Variants in RPS6KC1 observed in about 807,000 individuals in gnomAD.
RPS6KC1 encodes inactive ribosomal protein S6 kinase delta-1.
A neutral mutation model predicts 103.8 loss-of-function variants in RPS6KC1; 54 were observed. That is an observed-to-expected ratio of 0.52 (90% CI 0.42 to 0.65). The LOEUF (loss-of-function observed/expected upper bound fraction) is 0.65, where lower values mean the gene tolerates loss of function less well. Ranked by LOEUF, RPS6KC1 falls within the 30% of genes least tolerant of loss-of-function variation. The pLI is 0.00. For missense variants in RPS6KC1, 1,151 were observed against 1,253.8 expected, an observed-to-expected ratio of 0.92 and a Z score of 1.24; for synonymous variants, 439 against 438.7, an observed-to-expected ratio of 1.00 and a Z score of -0.01.
the RPS6KC1 span, among the ~76,000 whole-genome samples, chr1:213,588,157 C>A: frequency 6.6e-6 from 1 of 152,212 alleles, no homozygotes; most frequent in African/African-American, 2.4e-5. Context: ...CTCACCACAG[C>A]CTCAACCTCC....
chr1:213,645,281 A>T, the RPS6KC1 span, among the ~76,000 whole-genome samples: 1 of 152,030 alleles, frequency 6.6e-6, no homozygotes, highest in Non-Finnish European at 1.5e-5. Flanking sequence ...TTGCCATACC[A>T]ATTCTATGCC....
the RPS6KC1 span, among the ~76,000 whole-genome samples, chr1:213,491,313 T>C: frequency 1.4e-4 from 22 of 152,164 alleles, 1 homozygote; most frequent in African/African-American, 5.3e-4. Flanking sequence ...TTTGGGAGGT[T>C]GAGGTGGGTG....
chr1:213,683,637 A>G, the RPS6KC1 span, among the ~76,000 whole-genome samples: 3 of 152,164 alleles, frequency 2.0e-5, no homozygotes, highest in Admixed American at 2.0e-4. Flanking sequence ...TTCCTTAATC[A>G]GGGCTGGTCA....
chr1:213,393,745 G>A, the RPS6KC1 span, among the ~76,000 whole-genome samples: 1 of 152,170 alleles, frequency 6.6e-6, no homozygotes, highest in African/African-American at 2.4e-5. Context: ...GTAGGAAATG[G>A]GGAATGAATG....
the RPS6KC1 span, among the ~76,000 whole-genome samples, chr1:213,725,060 ACTTTTTTGTCTTTTACTAAAG>A: frequency 6.6e-6 from 1 of 152,242 alleles, no homozygotes; most frequent in Non-Finnish European, 1.5e-5. Flanking sequence ...ACTTTCTAAC[ACTTTTTTGTCTTTTACTAAAG>A]CTGCCAGCTT....
At chr1:213,569,121 C>T in the RPS6KC1 span, among the ~76,000 whole-genome samples, 4 of 152,088 alleles carry the variant, frequency 2.6e-5, no homozygotes, top group African/African-American at 7.2e-5. Flanking sequence ...TTTCACTTCC[C>T]TTTGGCTGTG....
chr1:213,425,574 A>G, the RPS6KC1 span, among the ~76,000 whole-genome samples: 1 of 152,212 alleles, frequency 6.6e-6, no homozygotes, highest in Non-Finnish European at 1.5e-5. Flanking sequence ...CAATCAGACT[A>G]TTAGCTTCGT....
chr1:213,769,421 A>G, the RPS6KC1 span, among the ~76,000 whole-genome samples: 1 of 151,946 alleles, frequency 6.6e-6, no homozygotes, highest in Non-Finnish European at 1.5e-5. Context: ...GTCCTTTTGG[A>G]CCAGTTTAGA....
At chr1:213,267,540 A>G (rs2094940523) in intron 14 of RPS6KC1, among the ~76,000 whole-genome samples, 1 of 152,058 alleles carries the variant, frequency 6.6e-6, no homozygotes, top group African/African-American at 2.4e-5. Context: ...TATGTCCCAT[A>G]TTCAGAAAAA....
intron 8 of RPS6KC1, among the ~76,000 whole-genome samples, chr1:213,183,078 GAGA>G (rs2092361690): frequency 6.6e-6 from 1 of 151,762 alleles, no homozygotes; most frequent in African/African-American, 2.4e-5. Flanking sequence ...ATGAGAGACA[GAGA>G]GGACATTAGA....
At chr1:213,430,887 T>C in the RPS6KC1 span, among the ~76,000 whole-genome samples, 1 of 152,262 alleles carries the variant, frequency 6.6e-6, no homozygotes, top group African/African-American at 2.4e-5. Context: ...TAAGGGATAA[T>C]ATTTCAAGAG....
intron 1 of RPS6KC1, among the ~76,000 whole-genome samples, chr1:213,060,288 G>A (rs912243190): frequency 1.3e-5 from 2 of 152,176 alleles, no homozygotes; most frequent in African/African-American, 4.8e-5. Flanking sequence ...TAAGGCAGTG[G>A]GAGTTGTTAG....
At chr1:213,600,235 C>G in the RPS6KC1 span, among the ~76,000 whole-genome samples, 1 of 152,124 alleles carries the variant, frequency 6.6e-6, no homozygotes, top group African/African-American at 2.4e-5. Context: ...GTTACCCAGT[C>G]TCAGCTATGT....
At chr1:213,343,263 G>A in the RPS6KC1 span, among the ~76,000 whole-genome samples, 2 of 150,624 alleles carry the variant, frequency 1.3e-5, no homozygotes, top group South Asian at 4.2e-4. Flanking sequence ...TTAAGAGGTA[G>A]GGATGAGGAA....
chr1:213,514,536 A>T, the RPS6KC1 span, among the ~76,000 whole-genome samples: 1 of 152,046 alleles, frequency 6.6e-6, no homozygotes, highest in African/African-American at 2.4e-5. Flanking sequence ...AGCTTCATCC[A>T]TGTCCCTACA....
At chr1:213,265,526 G>C (rs2094892440) in intron 14 of RPS6KC1, among the ~76,000 whole-genome samples, 1 of 152,074 alleles carries the variant, frequency 6.6e-6, no homozygotes, top group Non-Finnish European at 1.5e-5. Flanking sequence ...AAAATGTTTG[G>C]TGCCTTCCAC....
At chr1:213,323,282 T>C in the RPS6KC1 span, among the ~76,000 whole-genome samples, 1 of 152,082 alleles carries the variant, frequency 6.6e-6, no homozygotes, top group Non-Finnish European at 1.5e-5. Context: ...CCACATAGGG[T>C]AACATATTCA....
At chr1:213,135,306 G>C (rs565372044) in intron 6 of RPS6KC1, among the ~76,000 whole-genome samples, 9 of 152,136 alleles carry the variant, frequency 5.9e-5, no homozygotes, top group Admixed American at 2.0e-4. Context: ...TTTGAACCCA[G>C]TTGTGCCTTT....
chr1:213,243,882 G>T (rs1299079679), intron 12 of RPS6KC1, among the ~76,000 whole-genome samples: 2 of 152,112 alleles, frequency 1.3e-5, no homozygotes, highest in Non-Finnish European at 2.9e-5. Context: ...TGATAATAAG[G>T]ATTAAAAGAG....
Sources: gnomAD v4.1 joint callset for allele counts (sites outside exome capture counted in the v4.1 genomes callset) on GRCh38, gnomAD v4.1.1 for gene constraint, MANE v1.5 for transcripts, NCBI Gene and HGNC (gene_info 2026-07-23, HGNC 2026-07-21) for gene names.